Variants in TAS1R2 observed in about 807,000 individuals in gnomAD.
TAS1R2 encodes the protein taste receptor type 1 member 2.
In TAS1R2, 47 loss-of-function variants were observed where a neutral mutation model predicts 49.3. The ratio of observed to expected loss-of-function variants is 0.95; its 90% CI spans 0.75 to 1.22. TAS1R2 has a LOEUF of 1.22. Among genes scored for constraint, TAS1R2 ranks in the 50% most tolerant of loss-of-function variants. The pLI is 0.00. For missense variants in TAS1R2, 1,155 were observed against 1,122.1 expected, an observed-to-expected ratio of 1.03 and a Z score of -0.42; for synonymous variants, 479 against 467.9, an observed-to-expected ratio of 1.02 and a Z score of -0.31.
At chr1:18,845,572 C>A (rs774353823) in intron 4 of TAS1R2, among the ~76,000 whole-genome samples, 2 of 152,184 alleles carry the variant, frequency 1.3e-5, no homozygotes, top group Admixed American at 1.3e-4. Flanking sequence ...TAGGGCTCTA[C>A]GATTACCATG....
At chr1:18,839,923 G>A (rs758048587) in exon 6 of TAS1R2, 8 of 1,614,122 alleles carry the variant, frequency 5.0e-6, no homozygotes, top group Middle Eastern at 1.6e-4. Context: ...GGTCCAGGCT[G>A]GTGTTGAACA....
intron 2 of TAS1R2, among the ~76,000 whole-genome samples, chr1:18,855,493 CCTTCT>C (rs1934123665): frequency 6.6e-6 from 1 of 152,148 alleles, no homozygotes; most frequent in Non-Finnish European, 1.5e-5. Context: ...TTTCCTGGTT[CCTTCT>C]CTTCTCTATG....
chr1:18,853,904 C>G (rs1277345824), intron 3 of TAS1R2, among the ~76,000 whole-genome samples: 4 of 152,086 alleles, frequency 2.6e-5, no homozygotes, highest in Admixed American at 2.6e-4. Context: ...TTAGAGGGTC[C>G]ACGCGAAAAC....
In TAS1R2 at chr1:18,849,526, T is replaced by C; in HGVS notation, c.1282A>G (p.Asn428Asp). ...ATTTGGTGGTCCAGGAGAGTGAAGT[T>C]GACCTTCCAGATCTCCTCAAGCAGC... Residue 428 changes from asparagine (N) to aspartate (D), a missense_variant, in exon 4 of 6, where the codon AAC becomes GAC. Coordinates refer to ENST00000375371, the Ensembl canonical transcript of TAS1R2. 1.9e-6 allele frequency: 3 copies of C among 1,614,192 alleles called. No individual in the cohort carries two copies. In the South Asian group the frequency reaches 3.3e-5, roughly 18 times the overall value.
chr1:18,854,107 T>C lies in TAS1R2; in HGVS notation c.1257+106A>G. On this transcript the variant is annotated intron_variant, in intron 3 of 5. Transcript: ENST00000375371. The surrounding 1 kb of genome is among the most constrained non-coding windows in gnomAD (Gnocchi z 4.9). The stretch of plus-strand genomic sequence containing the variant: ...GGCACCAGGAAGGACTAGTGCTATG[T>C]GTCTGGAAGAATGGGATACTCATGC... 1 of 1,124,958 alleles carries C rather than the reference T, an allele frequency of 8.9e-7. No homozygotes were observed. Among genetic ancestry groups the C allele is most frequent in the South Asian group, 1.6e-5 (1 of 62,700 alleles). The allele number at this position is 1,124,958 out of a possible 1,614,324, so 69.7% of individuals were successfully genotyped here. A position where few individuals can be genotyped will look rare whatever the true frequency, so the allele number is the denominator to read the frequency against.
chr1:18,855,117 C>T, intron 2 of TAS1R2, 131 bp from the exon 3 acceptor site: 2 of 1,089,400 alleles, frequency 1.8e-6, no homozygotes, highest in Non-Finnish European at 2.6e-6. Flanking sequence ...TGGTTTACAC[C>T]ATCGTCAATC....
intron 5 of TAS1R2, among the ~76,000 whole-genome samples, chr1:18,841,171 C>T (rs1933816856): frequency 6.6e-6 from 1 of 152,204 alleles, no homozygotes; most frequent in South Asian, 2.1e-4. Context: ...GTGCTAAACA[C>T]TAATGTGGAC....
Position 18,840,438 on chromosome 1 carries a change from A to G in TAS1R2, c.1681T>C (p.Trp561Arg), listed in dbSNP as rs747538293. The change falls in exon 6 of 6, where the codon TGG becomes CGG. Residue 561 changes from tryptophan to arginine, a missense_variant. Trp to Arg is a moderately radical substitution (Grantham distance 101). Transcript: ENST00000375371. ...ACAGCGATGGTGGGTGCCTCATGCC[A>G]TTCCAGGAAGACCAGCTGCCGCTTG... 3.1e-6 allele frequency: 5 copies of G among 1,614,182 alleles called. No individual in the cohort carries two copies. The South Asian group carries it at 5.5e-5, about 18-fold the overall frequency.
Position 18,854,344 on chromosome 1 carries a change from T to A in TAS1R2, c.1126A>T (p.Ile376Phe). ...ACACGCTCCCCAGAGAGCCTGAGAA[T>A]GGTGTTGAAGGACAAGGTGGCGTTC... The change falls in exon 3 of 6, where the codon ATT becomes TTT. Residue 376 changes from isoleucine (I) to phenylalanine (F), a missense_variant. By Grantham distance (21) the Ile-to-Phe change is conservative. Transcript: ENST00000375371. This position sits in a 1 kb window ranked among gnomAD's most constrained non-coding sequence, Gnocchi z 4.9. 1 of 1,613,954 alleles carries A rather than the reference T, an allele frequency of 6.2e-7. No individual in the cohort carries two copies.
At chr1:18,849,935 T>G (rs1933991488) in intron 3 of TAS1R2, among the ~76,000 whole-genome samples, 1 of 152,180 alleles carries the variant, frequency 6.6e-6, no homozygotes, top group Non-Finnish European at 1.5e-5. Context: ...CCTACCAAGG[T>G]GCTGATAGAT....
intron 4 of TAS1R2, among the ~76,000 whole-genome samples, chr1:18,848,343 GCA>G (rs1933959234): frequency 6.6e-6 from 1 of 152,046 alleles, no homozygotes; most frequent in East Asian, 1.9e-4. Context: ...ACCAGGCCTG[GCA>G]CACACATGTT....
chr1:18,850,950 A>G (rs1431116644), intron 3 of TAS1R2, among the ~76,000 whole-genome samples: 2 of 152,232 alleles, frequency 1.3e-5, no homozygotes, highest in Non-Finnish European at 2.9e-5. Flanking sequence ...TCGCTGCCCC[A>G]GGTAATTTGC....
At chr1:18,848,552 T>C (rs1933963651) in intron 4 of TAS1R2, among the ~76,000 whole-genome samples, 1 of 125,092 alleles carries the variant, frequency 8.0e-6, no homozygotes, top group African/African-American at 3.0e-5. Context: ...GTCTGTGGCC[T>C]GTTAGGAACC....
chr1:18,841,676 A>AGGGCAG, intron 5 of TAS1R2, 53 bp downstream of exon 5: 5 of 1,579,852 alleles, frequency 3.2e-6, no homozygotes, highest in Non-Finnish European at 2.6e-6. Flanking sequence ...CTCCAGGGGC[A>AGGGCAG]GGGCAGGGGC....
chr1:18,847,258 C>T (rs999960043), intron 4 of TAS1R2, among the ~76,000 whole-genome samples: 1 of 152,150 alleles, frequency 6.6e-6, no homozygotes, highest in African/African-American at 2.4e-5. Context: ...TGGGGAGAAG[C>T]CTGGAACAGA....
At position 18,840,320 on chromosome 1, in the gene TAS1R2, C is replaced by A. The variant is rs762907945; in HGVS notation, c.1799G>T (p.Gly600Val). ...CAGCATCAGGAAGCACATGGGGCCCCCAGCCGAGCGAACTATGGGTGTCTG... is the reference window on the plus strand; with the variant it reads ...CAGCATCAGGAAGCACATGGGGCCCACAGCCGAGCGAACTATGGGTGTCTG... Residue 600 changes from glycine to valine, a missense_variant, in exon 6 of 6, where the codon GGG becomes GTG. By Grantham distance (109) the Gly-to-Val change is moderately radical. Transcript: ENST00000375371. 2.4e-5 allele frequency: 39 copies of A among 1,614,082 alleles called. No individual in the cohort carries two copies. In the Admixed American group the frequency reaches 6.3e-4, roughly 26 times the overall value.
chr1:18,847,604 C>T (rs1933946361), intron 4 of TAS1R2, among the ~76,000 whole-genome samples: 1 of 152,128 alleles, frequency 6.6e-6, no homozygotes, highest in South Asian at 2.1e-4. Flanking sequence ...AGATCCCCTC[C>T]CCAACTCCAC....
chr1:18,852,819 T>C (rs539941175), intron 3 of TAS1R2, among the ~76,000 whole-genome samples: 2 of 152,370 alleles, frequency 1.3e-5, no homozygotes, highest in South Asian at 2.1e-4. Context: ...ACCATGATGA[T>C]GCCCCTGCTC....
chr1:18,854,119 T>C lies in TAS1R2; in HGVS notation c.1257+94A>G. On this transcript the variant is annotated intron_variant, in intron 3 of 5. Transcript: ENST00000375371. This position sits in a 1 kb window ranked among gnomAD's most constrained non-coding sequence, Gnocchi z 4.9. ...GACTAGTGCTATGTGTCTGGAAGAA[T>C]GGGATACTCATGCCCTTTCACACCC... 8.0e-7 allele frequency: 1 copy of C among 1,255,638 alleles called. No individual in the cohort carries two copies. Among genetic ancestry groups the C allele is most frequent in the Non-Finnish European group, 1.1e-6 (1 of 909,166 alleles). 77.8% of individuals were successfully genotyped at this position (1,255,638 alleles called of 1,614,324 possible). A position where few individuals can be genotyped will look rare whatever the true frequency, so the allele number is the denominator to read the frequency against.
Sources: gnomAD v4.1 joint callset for allele counts (sites outside exome capture counted in the v4.1 genomes callset) on GRCh38, gnomAD v4.1.1 for gene constraint, Gnocchi (gnomAD v3.1) non-coding constraint, MANE v1.5 for transcripts, NCBI Gene and HGNC (gene_info 2026-07-23, HGNC 2026-07-21) for gene names.